The following GRK4 variants were observed in gnomAD, a reference collection of about 807,000 sequenced individuals.
GRK4 encodes the protein G protein-coupled receptor kinase 4.
In GRK4, 73 loss-of-function variants were observed where a neutral mutation model predicts 77.9. That is an observed-to-expected ratio of 0.94 (90% CI 0.78 to 1.14). The LOEUF (loss-of-function observed/expected upper bound fraction) is 1.14, where lower values mean the gene tolerates loss of function less well. GRK4 is among the 50% of genes most tolerant of loss of function. The pLI is 0.00. For synonymous variants in GRK4, 257 were observed against 254.4 expected, an observed-to-expected ratio of 1.01 and a Z score of -0.10; for missense variants, 729 against 700.2, an observed-to-expected ratio of 1.04 and a Z score of -0.46.
intron 15 of GRK4, 187 bp downstream of exon 15, chr4:3,038,700 G>A (rs979984434): frequency 4.8e-5 from 28 of 579,490 alleles, no homozygotes; most frequent in African/African-American, 4.3e-4. Context: ...CTCGCAGTGA[G>A]GTTTGTTGCT....
chr4:2,986,930 C>T (rs1724566261), intron 2 of GRK4: 1 of 317,174 alleles, frequency 3.2e-6, no homozygotes, highest in Non-Finnish European at 6.3e-6. Flanking sequence ...TTTAACTCCA[C>T]TGAGTATTTT....
intron 4 of GRK4, among the ~76,000 whole-genome samples, chr4:2,994,077 T>C (rs979297949): frequency 6.6e-6 from 1 of 152,216 alleles, no homozygotes; most frequent in Admixed American, 6.6e-5. Flanking sequence ...TAATGAGTTT[T>C]CTACCCCAGC....
chr4:3,028,102 G>A, intron 11 of GRK4, 101 bp downstream of exon 11: 1 of 951,218 alleles, frequency 1.1e-6, no homozygotes, highest in Non-Finnish European at 1.7e-6. Context: ...GCCTCGGTTT[G>A]GACACACTAG....
At chr4:2,997,585 T>G (rs1728306639) in intron 4 of GRK4, among the ~76,000 whole-genome samples, 1 of 152,112 alleles carries the variant, frequency 6.6e-6, no homozygotes, top group Non-Finnish European at 1.5e-5. Context: ...ATGATATCTA[T>G]GAAATACCCA....
At chr4:2,997,598 G>A (rs1482804106) in intron 4 of GRK4, among the ~76,000 whole-genome samples, 2 of 152,060 alleles carry the variant, frequency 1.3e-5, no homozygotes, top group African/African-American at 4.8e-5. Flanking sequence ...AATACCCACA[G>A]CCAACATCAT....
At chr4:2,965,259 A>G (rs1312847081) in intron 1 of GRK4, 1 of 703,030 alleles carries the variant, frequency 1.4e-6, no homozygotes, top group African/African-American at 1.7e-5. Context: ...GCATCCCGCC[A>G]CAAAAGCATC....
At chr4:3,019,985 A>G (rs1044132534) in intron 9 of GRK4, among the ~76,000 whole-genome samples, 154 bp downstream of exon 9, 1 of 152,030 alleles carries the variant, frequency 6.6e-6, no homozygotes, top group Non-Finnish European at 1.5e-5. Context: ...CACTTACACT[A>G]TTGGAAATAT....
At chr4:2,997,887 G>A (rs1728400922) in intron 4 of GRK4, among the ~76,000 whole-genome samples, 2 of 136,298 alleles carry the variant, frequency 1.5e-5, no homozygotes, top group Admixed American at 7.7e-5. Flanking sequence ...CAGCCTGGAT[G>A]ACAGAGTGAG....
intron 6 of GRK4, 33 bp downstream of exon 6, chr4:3,007,861 A>G (rs754720661): frequency 1.3e-5 from 19 of 1,454,190 alleles, no homozygotes; most frequent in South Asian, 5.9e-5. Context: ...ATAAAAGCCA[A>G]TTGAGGTGGC....
intron 1 of GRK4, 38 bp from the exon 2 acceptor site, chr4:2,984,471 TCTGA>T (rs1231292236): frequency 9.1e-7 from 1 of 1,101,360 alleles, no homozygotes; most frequent in African/African-American, 1.5e-5. Context: ...ATTGGATATT[TCTGA>T]CTGTTAAAGG....
At chr4:2,990,725 G>A (rs1167383163) in intron 3 of GRK4, among the ~76,000 whole-genome samples, 1 of 152,178 alleles carries the variant, frequency 6.6e-6, no homozygotes, top group Non-Finnish European at 1.5e-5. Context: ...TAGCTAAACT[G>A]CATTGTTGAA....
In GRK4 at chr4:2,963,964, G is replaced by A; in HGVS notation, c.-107G>A. 1 of 1,001,582 alleles carries A rather than the reference G, an allele frequency of 1.0e-6. No individual in the cohort carries two copies. Among genetic ancestry groups the A allele is most frequent in the Non-Finnish European group, 1.5e-6 (1 of 649,956 alleles). 62.0% of individuals were successfully genotyped at this position (1,001,582 alleles called of 1,614,324 possible). A position where few individuals can be genotyped will look rare whatever the true frequency, so the allele number is the denominator to read the frequency against. ...GGATCGTGTCCGGAGCTCGAGGAGA[G>A]GGTGGTGCCCGGCGAGCTATGCACG... is the stretch of plus-strand genomic sequence containing the variant. On this transcript the variant is annotated 5_prime_UTR_variant, in exon 1 of 16. Transcript: ENST00000398052.
chr4:3,033,503 C>A (rs1235543832), intron 12 of GRK4, among the ~76,000 whole-genome samples: 2 of 152,182 alleles, frequency 1.3e-5, no homozygotes, highest in Admixed American at 1.3e-4. Context: ...GCAAGCTCAA[C>A]CATGGGGCTG....
intron 4 of GRK4, 48 bp from the exon 5 acceptor site, chr4:3,004,183 A>G: frequency 7.8e-7 from 1 of 1,276,916 alleles, no homozygotes. Flanking sequence ...TTCACTAGTA[A>G]GTTATGAAAT....
At chr4:3,017,893 C>A (rs1169837991) in intron 8 of GRK4, among the ~76,000 whole-genome samples, 3 of 152,042 alleles carry the variant, frequency 2.0e-5, no homozygotes, top group Non-Finnish European at 4.4e-5. Flanking sequence ...ATATTAAAAG[C>A]TTTTCCCCGT....
chr4:3,016,894 C>A (rs1254453015), intron 8 of GRK4, among the ~76,000 whole-genome samples: 8 of 152,188 alleles, frequency 5.3e-5, no homozygotes, highest in Admixed American at 5.2e-4. Context: ...ACATTTTTCT[C>A]CTTCCCTATG....
At chr4:3,001,267 G>GTGTA (rs35570856) in intron 4 of GRK4, among the ~76,000 whole-genome samples, 10,624 of 67,592 alleles carry the variant, frequency 0.16, 3,171 homozygotes, top group African/African-American at 0.28. Flanking sequence ...ATATATATGT[G>GTGTA]TGTATGTATG....
At chr4:3,020,102 C>T (rs961628324) in intron 9 of GRK4, among the ~76,000 whole-genome samples, 2 of 152,190 alleles carry the variant, frequency 1.3e-5, no homozygotes, top group South Asian at 2.1e-4. Context: ...CACTGCAGTT[C>T]GAGTGATTCT....
chr4:3,019,528 C>A, intron 8 of GRK4, 113 bp from the exon 9 acceptor site: 1 of 900,958 alleles, frequency 1.1e-6, no homozygotes, highest in Non-Finnish European at 1.7e-6. Context: ...ATAGTATTCA[C>A]ATGTTCTGAT....
Sources: gnomAD v4.1 joint callset for allele counts (sites outside exome capture counted in the v4.1 genomes callset) on GRCh38, gnomAD v4.1.1 for gene constraint, MANE v1.5 for transcripts, NCBI Gene and HGNC (gene_info 2026-07-23, HGNC 2026-07-21) for gene names.